The following C1QTNF3 variants were observed in gnomAD, a reference collection of about 807,000 sequenced individuals.
C1QTNF3 encodes the protein C1q and TNF related 3.
C1QTNF3 carries 26 observed loss-of-function variants against 32.6 expected under a neutral mutation model. The observed-to-expected ratio is 0.80, with a 90% CI of 0.58 to 1.11. C1QTNF3 has a LOEUF of 1.11. Ranked by LOEUF, C1QTNF3 falls within the 50% of genes least tolerant of loss-of-function variation. C1QTNF3 has a pLI of 0.00. For missense variants in C1QTNF3, 362 were observed against 398.2 expected (o/e 0.91, Z 0.77); for synonymous variants, 155 against 146.0 (o/e 1.06, Z -0.44).
At chr5:34,174,469 T>C in the C1QTNF3 span, among the ~76,000 whole-genome samples, 1 of 152,330 alleles carries the variant, frequency 6.6e-6, no homozygotes, top group African/African-American at 2.4e-5. Flanking sequence ...TTTCTTGTTC[T>C]CCTTTTCCCT....
At chr5:34,040,912 T>C (rs544574579) in intron 1 of C1QTNF3, among the ~76,000 whole-genome samples, 3 of 152,280 alleles carry the variant, frequency 2.0e-5, no homozygotes, top group South Asian at 4.2e-4. Context: ...TTTTGCCCAA[T>C]TGCCTTTCAT....
the C1QTNF3 span, among the ~76,000 whole-genome samples, chr5:34,140,107 C>T: frequency 1.3e-4 from 20 of 152,246 alleles, no homozygotes; most frequent in Admixed American, 3.9e-4. Context: ...GTGAGCAATA[C>T]CTATGACTCA....
chr5:34,118,539 T>C, the C1QTNF3 span, among the ~76,000 whole-genome samples: 1 of 152,170 alleles, frequency 6.6e-6, no homozygotes, highest in Admixed American at 6.5e-5. Flanking sequence ...AATCATTTTG[T>C]TGTACATAAG....
the C1QTNF3 span, among the ~76,000 whole-genome samples, chr5:34,210,017 T>C: frequency 6.6e-6 from 1 of 152,074 alleles, no homozygotes; most frequent in Non-Finnish European, 1.5e-5. Context: ...GATGAAAAGT[T>C]TAAACTACCA....
the C1QTNF3 span, among the ~76,000 whole-genome samples, chr5:34,072,367 GAAAGAGAAAGAA>G: frequency 1.6e-3 from 176 of 109,764 alleles, 1 homozygote; most frequent in Middle Eastern, 0.021. Flanking sequence ...AATTAAAAAA[GAAAGAGAAAGAA>G]AGAAAGAAAG....
chr5:34,056,420 A>ATG, the C1QTNF3 span, among the ~76,000 whole-genome samples: 783 of 38,654 alleles, frequency 0.02, 28 homozygotes, highest in African/African-American at 0.04. Context: ...ATGTATATGT[A>ATG]TGTGTGTGTG....
At chr5:34,195,604 G>C in the C1QTNF3 span, among the ~76,000 whole-genome samples, 1 of 152,224 alleles carries the variant, frequency 6.6e-6, no homozygotes, top group Non-Finnish European at 1.5e-5. Context: ...CACTTTGGGA[G>C]GCCGAGGCGG....
the C1QTNF3 span, chr5:34,199,732 G>GTAC: frequency 1.5e-5 from 2 of 133,542 alleles, no homozygotes; most frequent in Non-Finnish European, 3.2e-5. Context: ...AAAGAAAAGA[G>GTAC]GTTGTACATT....
At chr5:34,110,870 G>A in the C1QTNF3 span, among the ~76,000 whole-genome samples, 3 of 152,000 alleles carry the variant, frequency 2.0e-5, no homozygotes, top group African/African-American at 7.3e-5. Flanking sequence ...CACTAATTTG[G>A]GAACTTGGGA....
the C1QTNF3 span, among the ~76,000 whole-genome samples, chr5:34,209,255 A>C: frequency 6.6e-6 from 1 of 151,980 alleles, no homozygotes; most frequent in East Asian, 1.9e-4. Context: ...ATTGGACTAA[A>C]GAATGAGATC....
At chr5:34,070,468 C>T in the C1QTNF3 span, among the ~76,000 whole-genome samples, 1 of 152,068 alleles carries the variant, frequency 6.6e-6, no homozygotes, top group Non-Finnish European at 1.5e-5. Flanking sequence ...CCTCAACATA[C>T]TATGCAGTTT....
chr5:34,202,668 G>A, the C1QTNF3 span, among the ~76,000 whole-genome samples: 1 of 151,902 alleles, frequency 6.6e-6, no homozygotes, highest in African/African-American at 2.4e-5. Flanking sequence ...TAATTGATAT[G>A]TATATGTTAA....
the C1QTNF3 span, among the ~76,000 whole-genome samples, chr5:34,214,079 G>A: frequency 6.7e-6 from 1 of 150,128 alleles, no homozygotes; most frequent in African/African-American, 2.4e-5. Context: ...CAAAGTGCTG[G>A]GATTACAGGT....
the C1QTNF3 span, among the ~76,000 whole-genome samples, chr5:34,098,983 T>G: frequency 6.6e-6 from 1 of 152,210 alleles, no homozygotes; most frequent in Non-Finnish European, 1.5e-5. Flanking sequence ...ATGTGGCAAA[T>G]GTACATGTTA....
the C1QTNF3 span, among the ~76,000 whole-genome samples, chr5:34,125,214 C>T: frequency 1.3e-5 from 2 of 152,094 alleles, no homozygotes; most frequent in African/African-American, 4.8e-5. Context: ...TACGTAACCT[C>T]CACAGCTCCA....
At chr5:34,183,320 T>A in the C1QTNF3 span, among the ~76,000 whole-genome samples, 55 of 150,076 alleles carry the variant, frequency 3.7e-4, no homozygotes, top group Admixed American at 5.9e-4. Flanking sequence ...TTTAATTTTT[T>A]AATTTTCTTT....
At chr5:34,112,768 T>G in the C1QTNF3 span, among the ~76,000 whole-genome samples, 1 of 152,186 alleles carries the variant, frequency 6.6e-6, no homozygotes, top group African/African-American at 2.4e-5. Context: ...TTGTGGCCAT[T>G]AATTTTTAAT....
At chr5:34,074,937 T>A in the C1QTNF3 span, among the ~76,000 whole-genome samples, 1 of 151,800 alleles carries the variant, frequency 6.6e-6, no homozygotes, top group East Asian at 1.9e-4. Context: ...GTAGGCTATT[T>A]GAAAGTGTAT....
chr5:34,047,253 C>T (rs116272532), upstream of C1QTNF3, among the ~76,000 whole-genome samples: 2,703 of 152,286 alleles, frequency 0.018, 78 homozygotes, highest in African/African-American at 0.063. Flanking sequence ...CCCCAAGGGC[C>T]CAGTTAGGAC....
Sources: gnomAD v4.1 joint callset for allele counts (sites outside exome capture counted in the v4.1 genomes callset) on GRCh38, gnomAD v4.1.1 for gene constraint, MANE v1.5 for transcripts, NCBI Gene and HGNC (gene_info 2026-07-23, HGNC 2026-07-21) for gene names.